Variants in IGSF10 observed in about 807,000 individuals in gnomAD.
The protein encoded by IGSF10 is immunoglobulin superfamily member 10, also known as calvaria mechanical force protein 608.
A neutral mutation model predicts 128.2 loss-of-function variants in IGSF10; 126 were observed. That is an observed-to-expected ratio of 0.98 (90% CI 0.85 to 1.14). IGSF10 has a LOEUF of 1.14. IGSF10 is among the 50% of genes most tolerant of loss of function. The pLI is 0.00. For synonymous variants in IGSF10, 1,185 were observed against 1,146.2 expected (o/e 1.03, Z -0.68); for missense variants, 3,295 against 3,149.8 (o/e 1.05, Z -1.10).
At chr3:151,538,592 A>T in the IGSF10 span, among the ~76,000 whole-genome samples, 1 of 152,214 alleles carries the variant, frequency 6.6e-6, no homozygotes, top group South Asian at 2.1e-4. Flanking sequence ...ATTTAAACAA[A>T]CACAATCACC....
At chr3:151,484,256 T>C in the IGSF10 span, among the ~76,000 whole-genome samples, 1 of 152,126 alleles carries the variant, frequency 6.6e-6, no homozygotes, top group Non-Finnish European at 1.5e-5. Flanking sequence ...CTAGATTCCT[T>C]CCTCTCAGAG....
the IGSF10 span, among the ~76,000 whole-genome samples, chr3:151,501,181 G>A: frequency 6.6e-5 from 10 of 152,018 alleles, no homozygotes; most frequent in Non-Finnish European, 1.0e-4. Flanking sequence ...GAAATGATCC[G>A]TAAGGCAGTT....
rs1462584290 is a variant in IGSF10, at chr3:151,448,285, T to C, written c.1696A>G (p.Ile566Val). 3 of 1,614,226 alleles carry C rather than the reference T, an allele frequency of 1.9e-6. No homozygotes were observed. The highest frequency in any genetic ancestry group is 2.5e-6 in the Non-Finnish European group (3 of 1,180,048). The change falls in exon 6 of 8, where the codon ATA becomes GTA. Residue 566 changes from isoleucine (I) to valine (V), a missense_variant. By Grantham distance (29) the Ile-to-Val change is conservative (BLOSUM62 3). Coordinates refer to ENST00000282466, the MANE Select transcript of IGSF10 (RefSeq NM_178822.5). ...YDDADILTYR[I>V]TVVEPLVEAY... ...TCGACCAAAGGTTCTACCACAGTTA[T>C]CCTATAGGTGAGAATATCTGCATCA... is the stretch of plus-strand genomic sequence containing the variant.
At chr3:151,491,329 C>T in the IGSF10 span, among the ~76,000 whole-genome samples, 6 of 152,118 alleles carry the variant, frequency 3.9e-5, no homozygotes, top group East Asian at 1.2e-3. Flanking sequence ...GTAATCCCAG[C>T]ACTTTGGGAG....
At position 151,437,759 on chromosome 3, in the gene IGSF10, A is replaced by G. The variant is rs1720486834; in HGVS notation, c.6802T>C (p.Ser2268Pro). Reference protein sequence around the residue: ...HFDCRAEGTPSPEVMWIMPDN... With the variant: ...HFDCRAEGTPPPEVMWIMPDN... ...GGCATGATCCACATGACTTCAGGAGATGGTGTCCCTTCAGCTCTGCAGTCA... is the reference window on the plus strand; with the variant it reads ...GGCATGATCCACATGACTTCAGGAGGTGGTGTCCCTTCAGCTCTGCAGTCA... The change falls in exon 8 of 8, where the codon TCT becomes CCT. Residue 2268 changes from serine (S) to proline (P), a missense_variant. Physicochemically the swap from Ser to Pro is moderately conservative, Grantham distance 74 (BLOSUM62 -1). Transcript: ENST00000282466. The G allele has an allele frequency of 1.9e-6, 3 of 1,613,790 alleles. No homozygotes were observed.
chr3:151,554,422 T>C, the IGSF10 span, among the ~76,000 whole-genome samples: 2 of 152,082 alleles, frequency 1.3e-5, no homozygotes, highest in East Asian at 3.9e-4. Context: ...AACTTCATAA[T>C]AAATAACTAA....
At chr3:151,605,243 G>A in the IGSF10 span, among the ~76,000 whole-genome samples, 1 of 138,876 alleles carries the variant, frequency 7.2e-6, no homozygotes, top group Non-Finnish European at 1.5e-5. Flanking sequence ...CAAAATCTCT[G>A]TATTGCTATG....
At chr3:151,449,315 GAC>G in intron 5 of IGSF10, 50 bp from the exon 6 acceptor site, 3 of 1,443,372 alleles carry the variant, frequency 2.1e-6, no homozygotes, top group Non-Finnish European at 2.8e-6. Context: ...TTTATGAATT[GAC>G]ACAAACATTT....
the IGSF10 span, among the ~76,000 whole-genome samples, chr3:151,528,503 C>G: frequency 6.6e-6 from 1 of 152,152 alleles, no homozygotes; most frequent in Non-Finnish European, 1.5e-5. Flanking sequence ...ACTGAGGTAC[C>G]CTGTTCATCT....
chr3:151,443,634 A>C lies in IGSF10; in HGVS notation c.5313T>G (p.Gly1771=), dbSNP rs369522712. Residue 1771 remains glycine, a synonymous_variant, in exon 7 of 8, where the codon GGT becomes GGG. Coordinates refer to ENST00000282466, the MANE Select transcript of IGSF10 (RefSeq NM_178822.5). ...STVELKCRAE[G]RPSPTVTWIL... ...TCCAGGTAACTGTAGGGCTTGGCCT[A>C]CCTTCTGCTCTGCACTTCAGTTCCA... 1.9e-6 allele frequency: 3 copies of C among 1,614,210 alleles called. No individual in the cohort carries two copies. The highest frequency in any genetic ancestry group is 2.5e-6 in the Non-Finnish European group (3 of 1,180,042).
At chr3:151,474,982 T>C in the IGSF10 span, among the ~76,000 whole-genome samples, 1 of 152,156 alleles carries the variant, frequency 6.6e-6, no homozygotes, top group East Asian at 1.9e-4. Flanking sequence ...AGATGAGATT[T>C]AGGTGGGGAC....
the IGSF10 span, among the ~76,000 whole-genome samples, chr3:151,567,363 T>G: frequency 3.4e-3 from 525 of 152,350 alleles, 2 homozygotes; most frequent in African/African-American, 0.012. Flanking sequence ...CTGCCTCTGC[T>G]GAGAGTATCA....
the IGSF10 span, among the ~76,000 whole-genome samples, chr3:151,527,543 T>G: frequency 6.6e-6 from 1 of 152,300 alleles, no homozygotes; most frequent in East Asian, 1.9e-4. Context: ...GCTAGTTGAC[T>G]GAAAAAGGAA....
chr3:151,544,162 G>C, the IGSF10 span, among the ~76,000 whole-genome samples: 1 of 152,220 alleles, frequency 6.6e-6, no homozygotes, highest in African/African-American at 2.4e-5. Context: ...ACCTGCCTCA[G>C]CCTCCCAAAG....
Position 151,458,705 on chromosome 3 carries a change from T to G in IGSF10, c.5A>C (p.Lys2Thr). 6.2e-7 allele frequency: 1 copy of G among 1,611,074 alleles called. No individual in the cohort carries two copies. The highest frequency in any genetic ancestry group is 8.5e-7 in the Non-Finnish European group (1 of 1,178,732). Residue 2 changes from lysine (K) to threonine (T), a missense_variant, in exon 3 of 8, where the codon AAG becomes ACG. Physicochemically the swap from Lys to Thr is moderately conservative, Grantham distance 78. Coordinates refer to ENST00000282466, the MANE Select transcript of IGSF10 (RefSeq NM_178822.5). ...GCAGGTGATTCCTCTGCCTTTTACC[T>G]TCATCCTGAAAAAACATCATACCTC... M[K>T]VKGRGITCLL...
the IGSF10 span, among the ~76,000 whole-genome samples, chr3:151,566,625 A>G: frequency 1.8e-4 from 27 of 152,146 alleles, no homozygotes; most frequent in Non-Finnish European, 3.2e-4. Context: ...AGTGGCATAC[A>G]TTGTTTGTGC....
chr3:151,478,872 T>C, the IGSF10 span, among the ~76,000 whole-genome samples: 77,809 of 152,010 alleles, frequency 0.51, 20,371 homozygotes, highest in South Asian at 0.62. Flanking sequence ...TAAAAGACTT[T>C]TGTATTAAAT....
the IGSF10 span, among the ~76,000 whole-genome samples, chr3:151,554,160 ACACG>A: frequency 7.1e-6 from 1 of 141,770 alleles, no homozygotes; most frequent in Non-Finnish European, 1.6e-5. Context: ...ACACACACAC[ACACG>A]CAAAGTTGTT....
the IGSF10 span, among the ~76,000 whole-genome samples, chr3:151,470,912 C>G: frequency 6.6e-6 from 1 of 152,190 alleles, no homozygotes; most frequent in Non-Finnish European, 1.5e-5. Flanking sequence ...TCTCCTATCT[C>G]CTTCTAATCT....
Sources: gnomAD v4.1 joint callset for allele counts (sites outside exome capture counted in the v4.1 genomes callset) on GRCh38, gnomAD v4.1.1 for gene constraint, MANE v1.5 for transcripts, NCBI Gene and HGNC (gene_info 2026-07-23, HGNC 2026-07-21) for gene names.